TP53INP1: variants seen among roughly 807,000 people sequenced by gnomAD.
TP53INP1 encodes tumor protein p53 inducible nuclear protein 1, also known as tumor protein p53-inducible nuclear protein 1.
TP53INP1 carries 12 observed loss-of-function variants against 21.0 expected under a neutral mutation model. The ratio of observed to expected loss-of-function variants is 0.57; its 90% CI spans 0.37 to 0.93. TP53INP1 has a LOEUF of 0.93. TP53INP1 is among the 40% of genes least tolerant of loss of function. TP53INP1 has a pLI of 0.01. For missense variants in TP53INP1, 274 were observed against 294.7 expected (o/e 0.93, Z 0.51); for synonymous variants, 91 against 94.8 (o/e 0.96, Z 0.23).
At chr8:94,938,230 G>T (rs1326518720) in intron 3 of TP53INP1, among the ~76,000 whole-genome samples, 1 of 152,228 alleles carries the variant, frequency 6.6e-6, no homozygotes, top group Non-Finnish European at 1.5e-5. Context: ...CTCACCCTGG[G>T]AGACATGCTC....
Position 94,929,932 on chromosome 8 carries a change from A to C in TP53INP1, c.*547T>G, listed in dbSNP as rs577034815. The C allele has an allele frequency of 6.5e-6, 1 of 153,898 alleles. No individual in the cohort carries two copies. The highest frequency in any genetic ancestry group is 2.4e-5 in the African/African-American group (1 of 41,582). 9.5% of individuals were successfully genotyped at this position (153,898 alleles called of 1,614,324 possible). A position where few individuals can be genotyped will look rare whatever the true frequency, so the allele number is the denominator to read the frequency against. On this transcript the variant is annotated 3_prime_UTR_variant, in exon 4 of 4. Transcript: ENST00000342697. Reference sequence around the variant, plus strand: ...GGGAAAAACCATACACACAGAATACATCAAGTTTTCTTTCAAAAGAAAGTC... The same window carrying C: ...GGGAAAAACCATACACACAGAATACCTCAAGTTTTCTTTCAAAAGAAAGTC...
rs565979029 is a variant in TP53INP1 at position 94,947,036 on chromosome 8, T to C, written c.-151+2118A>G. Among the ~76,000 whole-genome samples, 3 of 152,280 alleles carry C rather than the reference T, an allele frequency of 2.0e-5. No individual in the cohort carries two copies. In the East Asian group the frequency reaches 5.8e-4, roughly 29 times the overall value. ...AATGCTTATTGTATGTAACGGGGCC[T>C]TGAAGTACTTATTTGTCCCATTTTA... On this transcript the variant is annotated intron_variant, in intron 1 of 3. Coordinates refer to ENST00000342697, the MANE Select transcript of TP53INP1 (RefSeq NM_033285.4).
In TP53INP1 at chr8:94,930,519, C is replaced by G. The variant is rs1820289292; in HGVS notation, c.683G>C (p.Trp228Ser). The G allele has an allele frequency of 6.2e-7, 1 of 1,614,088 alleles. No homozygotes were observed. The change falls in exon 4 of 4, where the codon TGG (tryptophan) becomes TCG (serine). Residue 228 changes from tryptophan (W) to serine (S), a missense_variant. Coordinates refer to ENST00000342697, the MANE Select transcript of TP53INP1 (RefSeq NM_033285.4). ...CHPRQVKHNG[W>S]VVHQPCPRQY... ...ACGCGGGCAGGGCTGATGAACAACC[C>G]AGCCATTGTGCTTGACTTGCCGAGG...
At chr8:94,939,725 G>T in intron 3 of TP53INP1, 135 bp downstream of exon 3, 1 of 1,251,848 alleles carries the variant, frequency 8.0e-7, no homozygotes, top group Non-Finnish European at 1.1e-6. Context: ...ACCATCTTGT[G>T]TACTATGCAC....
intron 3 of TP53INP1, among the ~76,000 whole-genome samples, chr8:94,936,799 G>GATATAAATGA (rs1189371507): frequency 5.9e-5 from 9 of 152,280 alleles, no homozygotes; most frequent in African/African-American, 1.9e-4. Flanking sequence ...GCTCCCTGGA[G>GATATAAATGA]GTGCCATCCT....
At position 94,929,690 on chromosome 8, in the gene TP53INP1, C is replaced by T. The variant is rs1333340126; in HGVS notation, c.*789G>A. 6.6e-6 allele frequency: 1 copy of T among 152,136 alleles called. No individual in the cohort carries two copies. The highest frequency in any genetic ancestry group is 2.4e-5 in the African/African-American group (1 of 41,420). 9.4% of individuals were successfully genotyped at this position (152,136 alleles called of 1,614,324 possible). On this transcript the variant is annotated 3_prime_UTR_variant, in exon 4 of 4. Transcript: ENST00000342697. ...CAGAATTGGCGGGAAGGAATAGTAA[C>T]AAATTAAATACTGCACTAATGGGTT...
At chr8:94,945,935 C>G (rs1362183708) in intron 1 of TP53INP1, among the ~76,000 whole-genome samples, 1 of 152,162 alleles carries the variant, frequency 6.6e-6, no homozygotes, top group Non-Finnish European at 1.5e-5. Context: ...CAGCTTTGTC[C>G]TTGTTCTGCT....
intron 3 of TP53INP1, among the ~76,000 whole-genome samples, chr8:94,931,605 C>CATAT (rs141760825): frequency 0.44 from 66,155 of 149,016 alleles, 15,390 homozygotes; most frequent in East Asian, 0.72. Flanking sequence ...CACACACACA[C>CATAT]ACACATAAAA....
Position 94,932,808 on chromosome 8 carries a change from TAAAAA to T in TP53INP1, c.474-2085_474-2081del, listed in dbSNP as rs749341346. On this transcript the variant is annotated intron_variant, in intron 3 of 3. Coordinates refer to ENST00000342697, the MANE Select transcript of TP53INP1 (RefSeq NM_033285.4). Reference sequence around the variant, plus strand: ...AAGGAGCGAGACTCCGTCTCAAAAATAAAAAAAAAAGAATTTCAAATCCCAAAATA... The same window carrying T: ...AAGGAGCGAGACTCCGTCTCAAAAATAAAAAGAATTTCAAATCCCAAAATA... 3.8e-4 allele frequency among the ~76,000 whole-genome samples: 54 copies of T among 140,888 alleles called. 1 individual carries two copies. In the South Asian group the frequency reaches 0.011, roughly 30 times the overall value. 92.4% of individuals were successfully genotyped at this position (140,888 alleles called of 152,430 possible).
chr8:94,935,670 G>C (rs1251755706), intron 3 of TP53INP1, among the ~76,000 whole-genome samples: 1 of 152,152 alleles, frequency 6.6e-6, no homozygotes, highest in Non-Finnish European at 1.5e-5. Context: ...GGACTCCTTG[G>C]TATGGGAGCT....
rs60473555 is a variant in TP53INP1 at position 94,940,445 on chromosome 8, CTGTGTGTG to C, written c.113-233_113-226del. 1.7e-4 allele frequency among the ~76,000 whole-genome samples: 25 copies of C among 150,166 alleles called. No homozygotes were observed. The South Asian group carries it at 2.7e-3, about 16-fold the overall frequency. On this transcript the variant is annotated intron_variant, in intron 2 of 3. Transcript: ENST00000342697. ...AAATTTATTTCTGAGCACAGAAATT[CTGTGTGTG>C]TGTGTGTGTGTGTGTGTCACTATAT...
intron 1 of TP53INP1, among the ~76,000 whole-genome samples, chr8:94,944,712 G>A (rs1821839415): frequency 2.6e-5 from 4 of 152,188 alleles, no homozygotes; most frequent in African/African-American, 9.7e-5. Flanking sequence ...GGAGTTCCTG[G>A]GGAGGGTTAA....
intron 1 of TP53INP1, among the ~76,000 whole-genome samples, chr8:94,942,323 A>G (rs116199014): frequency 0.022 from 3,321 of 151,974 alleles, 117 homozygotes; most frequent in African/African-American, 0.077. Context: ...TACAGGCGTG[A>G]GCTGCCGCAC....
In TP53INP1 at chr8:94,946,696, C is replaced by CAAAAAAAAAAAAAA. The variant is rs71273438; in HGVS notation, c.-151+2444_-151+2457dup. 1.3e-3 allele frequency among the ~76,000 whole-genome samples: 46 copies of CAAAAAAAAAAAAAA among 34,694 alleles called. 1 individual carries two copies. Among genetic ancestry groups the CAAAAAAAAAAAAAA allele is most frequent in the African/African-American group, 2.7e-3 (29 of 10,594 alleles). The allele number at this position is 34,694 out of a possible 152,430, so 22.8% of individuals were successfully genotyped here. On this transcript the variant is annotated intron_variant, in intron 1 of 3. Coordinates refer to ENST00000342697, the MANE Select transcript of TP53INP1 (RefSeq NM_033285.4). ...TGGTCAACAGAGTAAGACCCTGTCTCAAAAAAAAAAAAAAAAAAAAAAAAG... is the reference window on the plus strand; with the variant it reads ...TGGTCAACAGAGTAAGACCCTGTCTCAAAAAAAAAAAAAAAAAAAAAAAAAAAAAAAAAAAAAAG...
Position 94,926,703 on chromosome 8 carries a change from C to T in TP53INP1, c.*3776G>A, listed in dbSNP as rs62523078. ...CCTGCCTTTCAAGAGTAACTCTCCTCCCATGCAAAGGATACTGTTGCACAT... is the reference window on the plus strand; with the variant it reads ...CCTGCCTTTCAAGAGTAACTCTCCTTCCATGCAAAGGATACTGTTGCACAT... On this transcript the variant is annotated 3_prime_UTR_variant, in exon 4 of 4. Transcript: ENST00000342697. 1 of 152,222 alleles carries T rather than the reference C, an allele frequency of 6.6e-6. No individual in the cohort carries two copies. Among genetic ancestry groups the T allele is most frequent in the South Asian group, 2.1e-4 (1 of 4,832 alleles). 9.4% of individuals were successfully genotyped at this position (152,222 alleles called of 1,614,324 possible).
At chr8:94,931,457 T>C (rs915301028) in intron 3 of TP53INP1, among the ~76,000 whole-genome samples, 1 of 152,094 alleles carries the variant, frequency 6.6e-6, no homozygotes, top group African/African-American at 2.4e-5. Flanking sequence ...AAAAAGCTAA[T>C]CAAGTAGGAT....
At chr8:94,931,587 TAC>T (rs557721378) in intron 3 of TP53INP1, among the ~76,000 whole-genome samples, 6 of 68,630 alleles carry the variant, frequency 8.7e-5, no homozygotes, top group African/African-American at 1.0e-4. Context: ...ACATATTTAT[TAC>T]ACACACACAC....
intron 3 of TP53INP1, among the ~76,000 whole-genome samples, chr8:94,938,335 G>C (rs2904894): frequency 6.6e-6 from 1 of 152,198 alleles, no homozygotes; most frequent in Non-Finnish European, 1.5e-5. Flanking sequence ...TTGTTGTAAG[G>C]AATCCAAGTT....
In TP53INP1 at chr8:94,930,382, A is replaced by T. The variant is rs1648727384; in HGVS notation, c.*97T>A. On this transcript the variant is annotated 3_prime_UTR_variant, in exon 4 of 4. Coordinates refer to ENST00000342697, the MANE Select transcript of TP53INP1 (RefSeq NM_033285.4). ...GATAAAACTATGTGATTGGTTATCAATTGGTTGTAAAGAGACAACATTTTC... is the reference window on the plus strand; with the variant it reads ...GATAAAACTATGTGATTGGTTATCATTTGGTTGTAAAGAGACAACATTTTC... 2 of 1,504,036 alleles carry T rather than the reference A, an allele frequency of 1.3e-6. No individual in the cohort carries two copies. Among genetic ancestry groups the T allele is most frequent in the Non-Finnish European group, 1.8e-6 (2 of 1,108,682 alleles). The allele number at this position is 1,504,036 out of a possible 1,614,324, so 93.2% of individuals were successfully genotyped here.
Sources: gnomAD v4.1 joint callset for allele counts (sites outside exome capture counted in the v4.1 genomes callset) on GRCh38, gnomAD v4.1.1 for gene constraint, MANE v1.5 for transcripts, NCBI Gene and HGNC (gene_info 2026-07-23, HGNC 2026-07-21) for gene names.